The following UBE3C variants were observed in gnomAD, a reference collection of about 807,000 sequenced individuals.
The protein encoded by UBE3C is ubiquitin protein ligase E3C.
A neutral mutation model predicts 129.4 loss-of-function variants in UBE3C; 42 were observed. The observed-to-expected ratio is 0.32, with a 90% CI of 0.25 to 0.42. The LOEUF (loss-of-function observed/expected upper bound fraction) is 0.42. Among genes scored for constraint, UBE3C ranks in the 10% least tolerant of loss-of-function variants. UBE3C has a pLI of 1.00. For synonymous variants in UBE3C, 510 were observed against 492.4 expected (o/e 1.04, Z -0.47); for missense variants, 1,049 against 1,319.1 (o/e 0.80, Z 3.17).
At chr7:157,259,788 C>G (rs1269751732) in intron 22 of UBE3C, among the ~76,000 whole-genome samples, 1 of 152,176 alleles carries the variant, frequency 6.6e-6, no homozygotes, top group Admixed American at 6.5e-5. Context: ...CGCTGCGGAA[C>G]TCTGTAAATT....
At chr7:157,244,672 T>C (rs1282027010) in intron 18 of UBE3C, among the ~76,000 whole-genome samples, 1 of 152,230 alleles carries the variant, frequency 6.6e-6, no homozygotes, top group Non-Finnish European at 1.5e-5. Flanking sequence ...GTGGTTCACA[T>C]TTATTCTGAT....
chr7:157,215,754 T>C (rs1352958189), intron 13 of UBE3C, among the ~76,000 whole-genome samples: 7 of 152,042 alleles, frequency 4.6e-5, no homozygotes, highest in Non-Finnish European at 1.0e-4. Context: ...GTTGTAGACA[T>C]TTAAAATGTT....
intron 10 of UBE3C, among the ~76,000 whole-genome samples, chr7:157,199,246 C>T (rs1456355119): frequency 1.3e-5 from 2 of 152,090 alleles, no homozygotes; most frequent in East Asian, 1.9e-4. Context: ...TTTGAAAGTT[C>T]GTATTTTTCG....
At chr7:157,255,316 G>A (rs941832846) in intron 21 of UBE3C, among the ~76,000 whole-genome samples, 1 of 152,226 alleles carries the variant, frequency 6.6e-6, no homozygotes, top group African/African-American at 2.4e-5. Flanking sequence ...ACTGGTGCAA[G>A]TGAGAGCTTT....
intron 4 of UBE3C, among the ~76,000 whole-genome samples, chr7:157,174,388 T>C (rs1200206501): frequency 6.6e-6 from 1 of 152,236 alleles, no homozygotes; most frequent in African/African-American, 2.4e-5. Context: ...AAGTGTACTT[T>C]GTTTTAGTTA....
At chr7:157,263,694 A>G (rs954576200) in intron 22 of UBE3C, among the ~76,000 whole-genome samples, 1 of 150,258 alleles carries the variant, frequency 6.7e-6, no homozygotes, top group African/African-American at 2.4e-5. Flanking sequence ...AGCAAGTATT[A>G]GGAACATTCA....
At chr7:157,182,683 A>G (rs541245289) in intron 8 of UBE3C, among the ~76,000 whole-genome samples, 33 of 152,132 alleles carry the variant, frequency 2.2e-4, no homozygotes, top group African/African-American at 6.7e-4. Context: ...GAAAACATAC[A>G]TACATACATA....
intron 19 of UBE3C, 146 bp downstream of exon 19, chr7:157,248,726 T>A: frequency 1.2e-6 from 1 of 846,676 alleles, no homozygotes; most frequent in Non-Finnish European, 1.8e-6. Context: ...TCGAAGCATA[T>A]AGCTCCAAAG....
At chr7:157,232,548 C>T (rs1292292186) in intron 18 of UBE3C, among the ~76,000 whole-genome samples, 1 of 152,188 alleles carries the variant, frequency 6.6e-6, no homozygotes, top group African/African-American at 2.4e-5. Flanking sequence ...TGGGGGTTTC[C>T]ACCATGTTGT....
At chr7:157,146,802 C>T (rs1167463989) in intron 1 of UBE3C, among the ~76,000 whole-genome samples, 1 of 152,040 alleles carries the variant, frequency 6.6e-6, no homozygotes. Context: ...GGGCATGTGC[C>T]ACCACACCTG....
intron 10 of UBE3C, 139 bp from the exon 11 acceptor site, chr7:157,201,582 T>G: frequency 3.8e-6 from 2 of 529,846 alleles, no homozygotes; most frequent in Non-Finnish European, 6.1e-6. Context: ...GAGGCAGCTT[T>G]TTGTGGTATT....
chr7:157,202,382 C>T (rs1009190692), intron 11 of UBE3C, among the ~76,000 whole-genome samples: 2 of 152,128 alleles, frequency 1.3e-5, no homozygotes, highest in East Asian at 1.9e-4. Flanking sequence ...GCCGGCCGGG[C>T]GCGGTGGCTC....
rs1289368419 is a variant in UBE3C at position 157,207,386 on chromosome 7, C to G, written c.1419-12C>G. 1.9e-6 allele frequency: 3 copies of G among 1,590,402 alleles called. No individual in the cohort carries two copies. The highest frequency in any genetic ancestry group is 2.6e-6 in the Non-Finnish European group (3 of 1,174,678). The stretch of plus-strand genomic sequence containing the variant: ...AAGTGACTGGTTTTTTTCTTCTTTT[C>G]TTTAATTCAAGGTCTATGGTACCGT... On this transcript the variant is annotated splice_polypyrimidine_tract_variant and intron_variant, in intron 11 of 22. Coordinates refer to ENST00000348165, the MANE Select transcript of UBE3C (RefSeq NM_014671.3).
intron 5 of UBE3C, among the ~76,000 whole-genome samples, chr7:157,177,289 G>T (rs566332351): frequency 6.6e-6 from 1 of 152,166 alleles, no homozygotes; most frequent in Non-Finnish European, 1.5e-5. Context: ...TGGTCACTCA[G>T]ATGGCTCTTT....
intron 15 of UBE3C, chr7:157,221,841 T>A (rs1344747730): frequency 6.6e-6 from 1 of 152,186 alleles, no homozygotes; most frequent in East Asian, 1.9e-4. Context: ...ATCTTTTTCA[T>A]GAATTTGTTT....
intron 18 of UBE3C, among the ~76,000 whole-genome samples, chr7:157,245,444 T>C (rs911775919): frequency 2.0e-5 from 3 of 152,222 alleles, no homozygotes; most frequent in African/African-American, 7.2e-5. Flanking sequence ...CATTTCGAAG[T>C]GATGCCGTTT....
intron 1 of UBE3C, among the ~76,000 whole-genome samples, chr7:157,154,977 T>G (rs1217881535): frequency 1.3e-5 from 2 of 152,218 alleles, no homozygotes; most frequent in East Asian, 3.8e-4. Flanking sequence ...CCCATCTTTG[T>G]GATGGTAAAT....
rs192974156 is a variant in UBE3C at position 157,160,910 on chromosome 7, G to A, written c.67-2900G>A. 3.5e-3 allele frequency among the ~76,000 whole-genome samples: 533 copies of A among 152,218 alleles called. 5 individuals are homozygous for A. The highest frequency in any genetic ancestry group is 0.012 in the African/African-American group (505 of 41,526). On this transcript the variant is annotated intron_variant, in intron 1 of 22. Transcript: ENST00000348165. ...TTGAGTCCATGATGCGTGTTTGTGCGTATAATCCTATGGATTAAAATCTAA... is the reference window on the plus strand; with the variant it reads ...TTGAGTCCATGATGCGTGTTTGTGCATATAATCCTATGGATTAAAATCTAA...
chr7:157,142,578 G>A (rs1586637972), intron 1 of UBE3C, among the ~76,000 whole-genome samples: 1 of 152,188 alleles, frequency 6.6e-6, no homozygotes, highest in Non-Finnish European at 1.5e-5. Flanking sequence ...GTGGAGCGGG[G>A]TGTGTGGAGT....
Sources: allele counts gnomAD v4.1 joint callset (sites outside exome capture counted in the v4.1 genomes callset), GRCh38; gene constraint gnomAD v4.1.1; transcripts MANE v1.5; gene names NCBI Gene and HGNC (gene_info 2026-07-23, HGNC 2026-07-21).